The following AVIL variants were observed in gnomAD, a reference collection of about 807,000 sequenced individuals.
AVIL encodes advillin.
A neutral mutation model predicts 109.9 loss-of-function variants in AVIL; 78 were observed. The ratio of observed to expected loss-of-function variants is 0.71; its 90% CI spans 0.59 to 0.86. AVIL has a LOEUF of 0.86. AVIL is among the 40% of genes least tolerant of loss of function. The pLI is 0.00. For synonymous variants in AVIL, 367 were observed against 379.1 expected (o/e 0.97, Z 0.37); for missense variants, 892 against 1,016.5 (o/e 0.88, Z 1.67).
At chr12:57,811,552 A>G (rs987108832) in intron 4 of AVIL, among the ~76,000 whole-genome samples, 2 of 152,150 alleles carry the variant, frequency 1.3e-5, no homozygotes, top group African/African-American at 2.4e-5. Context: ...CCTTAAGACC[A>G]CCTACCCTAG....
In AVIL at chr12:57,801,229, GAA is replaced by G. The variant is rs750567285; in HGVS notation, c.2152-19_2152-18del. 1.2e-6 allele frequency: 2 copies of G among 1,607,626 alleles called. No individual in the cohort carries two copies. The highest frequency in any genetic ancestry group is 3.3e-5 in the Admixed American group (2 of 59,932). On this transcript the variant is annotated intron_variant, in intron 17 of 19. Transcript: ENST00000549994. ...TTTTCCTGCCTGAGAAGAAGAGAGAGAAAACACAGGATGAGGTCTTTCTTATA... is the reference window on the plus strand; with the variant it reads ...TTTTCCTGCCTGAGAAGAAGAGAGAGAACACAGGATGAGGTCTTTCTTATA...
In AVIL at chr12:57,813,399, A is replaced by G; in HGVS notation, c.166T>C (p.Ser56Pro). Reference sequence around the variant, plus strand: ...CCGATCCAGAAGTGGATGTCCTGGGATAGGAGACTGGCCACTCTCCGGGTC... The same window carrying G: ...CCGATCCAGAAGTGGATGTCCTGGGGTAGGAGACTGGCCACTCTCCGGGTC... ...LSTRRVASLL[S>P]QDIHFWIGKD... Residue 56 changes from serine to proline, a missense_variant, in exon 4 of 20, where the codon TCC (serine) becomes CCC (proline). Ser to Pro is a moderately conservative substitution (Grantham distance 74, BLOSUM62 -1). Transcript: ENST00000549994. The G allele has an allele frequency of 3.7e-6, 6 of 1,613,952 alleles. No homozygotes were observed. The highest frequency in any genetic ancestry group is 5.1e-6 in the Non-Finnish European group (6 of 1,179,996).
chr12:57,810,554 G>A lies in AVIL; in HGVS notation c.559-3C>T. ...ATATCCTTTGCCAGAAGCATAGCCT[G>A]TCAAAGAAGCCCAAGGAAGCCCTCA... On this transcript the variant is annotated splice_region_variant and splice_polypyrimidine_tract_variant and intron_variant, in intron 6 of 19. Coordinates refer to ENST00000549994, the MANE Select transcript of AVIL (RefSeq NM_006576.4). 1 of 1,612,950 alleles carries A rather than the reference G, an allele frequency of 6.2e-7. No homozygotes were observed. Among genetic ancestry groups the A allele is most frequent in the South Asian group, 1.1e-5 (1 of 91,038 alleles).
Position 57,802,117 on chromosome 12 carries a change from C to G in AVIL, c.2151+43G>C, listed in dbSNP as rs11172345. 8.7e-4 allele frequency: 1,398 copies of G among 1,602,234 alleles called. 15 individuals are homozygous for G. In the African/African-American group the frequency reaches 0.017, roughly 19 times the overall value. On this transcript the variant is annotated intron_variant, in intron 17 of 19. Coordinates refer to ENST00000549994, the MANE Select transcript of AVIL (RefSeq NM_006576.4). ...TTCCTGCCCACTGAGCTGTTCTGAGCTACCTGGCAGGAAGTTAGAGCTTCC... is the reference window on the plus strand; with the variant it reads ...TTCCTGCCCACTGAGCTGTTCTGAGGTACCTGGCAGGAAGTTAGAGCTTCC...
chr12:57,797,998 A>G lies in AVIL; in HGVS notation c.2347-3T>C, dbSNP rs1322872119. On this transcript the variant is annotated splice_region_variant and splice_polypyrimidine_tract_variant and intron_variant, in intron 19 of 19. Coordinates refer to ENST00000549994, the MANE Select transcript of AVIL (RefSeq NM_006576.4). ...AAGTCCTGTTCAGAGAGGTAATTCT[A>G]AGAGAGAAAACAAAGTTTCTAGTTA... is the stretch of plus-strand genomic sequence containing the variant. 1 of 1,590,460 alleles carries G rather than the reference A, an allele frequency of 6.3e-7. No individual in the cohort carries two copies. Among genetic ancestry groups the G allele is most frequent in the Admixed American group, 1.8e-5 (1 of 54,214 alleles).
rs1161694744 is a variant in AVIL, at chr12:57,807,464, A to C, written c.1358T>G (p.Leu453Arg). ...CACTGCCTGGTATGCTGAGGCTGCC[A>C]GCTCATCCTGTGAGGCGTGGCGGCC... ...WQGRHASQDE[L>R]AASAYQAVEV... Residue 453 changes from leucine (L) to arginine (R), a missense_variant, in exon 13 of 20, where the codon CTG becomes CGG. By Grantham distance (102) the Leu-to-Arg change is moderately radical (BLOSUM62 -2). Transcript: ENST00000549994. The C allele has an allele frequency of 2.5e-6, 4 of 1,614,128 alleles. No individual in the cohort carries two copies. The African/African-American group carries it at 4.0e-5, about 16-fold the overall frequency.
intron 19 of AVIL, among the ~76,000 whole-genome samples, 198 bp from the exon 20 acceptor site, chr12:57,798,193 C>T (rs1955774338): frequency 6.6e-6 from 1 of 152,204 alleles, no homozygotes. Flanking sequence ...CCATTTTGGC[C>T]TGTGGCAGAA....
In AVIL at chr12:57,811,085, C is replaced by A; in HGVS notation, c.381G>T (p.Glu127Asp). The stretch of plus-strand genomic sequence containing the variant: ...GCCGCTTCACGTCGTAGGTATTGGT[C>A]TCCACGTGCTTCATCCCAGAGGCGA... ...GGVASGMKHV[E>D]TNTYDVKRLL... is the part of the protein sequence containing the mutation. Residue 127 changes from glutamate to aspartate, a missense_variant, in exon 5 of 20, where the codon GAG (glutamate) becomes GAT (aspartate). By Grantham distance (45) the Glu-to-Asp change is conservative (BLOSUM62 2). Transcript: ENST00000549994. 6.2e-7 allele frequency: 1 copy of A among 1,614,164 alleles called. No individual in the cohort carries two copies. Among genetic ancestry groups the A allele is most frequent in the Non-Finnish European group, 8.5e-7 (1 of 1,180,026 alleles).
chr12:57,805,125 G>A (rs558898316), intron 14 of AVIL, among the ~76,000 whole-genome samples: 21 of 152,144 alleles, frequency 1.4e-4, no homozygotes, highest in Admixed American at 1.3e-3. Context: ...GCGCAATCTC[G>A]GCTCACTGCA....
Position 57,808,222 on chromosome 12 carries a change from A to G in AVIL, c.1166T>C (p.Met389Thr). 6.2e-7 allele frequency: 1 copy of G among 1,614,184 alleles called. No individual in the cohort carries two copies. Among genetic ancestry groups the G allele is most frequent in the Non-Finnish European group, 8.5e-7 (1 of 1,180,028 alleles). ...TKPEVAAQER[M>T]VDDGNGKVEV... Reference sequence around the variant, plus strand: ...AACTTTTCCGTTGCCATCATCGACCATTCTTTCCTGGGCAGCTACCTCTGG... The same window carrying G: ...AACTTTTCCGTTGCCATCATCGACCGTTCTTTCCTGGGCAGCTACCTCTGG... The change falls in exon 11 of 20, where the codon ATG (methionine) becomes ACG (threonine). Residue 389 changes from methionine to threonine, a missense_variant. Met to Thr is a moderately conservative substitution (Grantham distance 81, BLOSUM62 -1). Transcript: ENST00000549994.
intron 2 of AVIL, chr12:57,815,559 C>T (rs1375447167): frequency 3.2e-6 from 4 of 1,230,770 alleles, no homozygotes; most frequent in Admixed American, 3.1e-5. Context: ...AGCTCCTCAT[C>T]TCTGCAGTGC....
At chr12:57,810,140 C>A (rs1956016040) in intron 7 of AVIL, among the ~76,000 whole-genome samples, 1 of 152,128 alleles carries the variant, frequency 6.6e-6, no homozygotes, top group Admixed American at 6.5e-5. Flanking sequence ...AAGGAAAGGT[C>A]TCCTCAAGAG....
rs780022660 is a variant in AVIL at position 57,803,604 on chromosome 12, C to T, written c.1737G>A (p.Glu579=). The T allele has an allele frequency of 6.2e-7, 1 of 1,614,132 alleles. No homozygotes were observed. Among genetic ancestry groups the T allele is most frequent in the South Asian group, 1.1e-5 (1 of 91,070 alleles). Residue 579 remains glutamate (E), a synonymous_variant, in exon 15 of 20, where the codon GAG becomes GAA. Coordinates refer to ENST00000549994, the MANE Select transcript of AVIL (RefSeq NM_006576.4). The part of the protein sequence containing the change: ...ELASLLCDGS[E]NTVAEGQEPA... The stretch of plus-strand genomic sequence containing the variant: ...GCTCCTGGCCCTCGGCCACAGTGTT[C>T]TCGCTGCCATCACAGAGAAGGCTGG...
rs1955960262 is a variant in AVIL at position 57,807,182 on chromosome 12, T to A, written c.1491+149A>T. The stretch of plus-strand genomic sequence containing the variant: ...CCTAGGCAGTTGGGATTCACTTGAC[T>A]GTCTTAGAGGGATTAACCCCCTTCT... On this transcript the variant is annotated intron_variant, in intron 13 of 19. Transcript: ENST00000549994. The A allele has an allele frequency of 3.4e-6, 4 of 1,160,072 alleles. No individual in the cohort carries two copies. In the Admixed American group the frequency reaches 6.8e-5, roughly 20 times the overall value. The allele number at this position is 1,160,072 out of a possible 1,614,324, so 71.9% of individuals were successfully genotyped here.
rs762736936 is a variant in AVIL, at chr12:57,810,474, C to T, written c.636G>A (p.Lys212=). 1 of 1,614,190 alleles carries T rather than the reference C, an allele frequency of 6.2e-7. No individual in the cohort carries two copies. Among genetic ancestry groups the T allele is most frequent in the Admixed American group, 1.7e-5 (1 of 60,032 alleles). ...TCATCAGCTCTGGGCTGGCTGCCTC[C>T]TTGTCTCCCTCGATCACTCCTATTT... ...RAKIGVIEGD[K]EAASPELMKV... Residue 212 remains lysine (K), a synonymous_variant, in exon 7 of 20, where the codon AAG becomes AAA. Transcript: ENST00000549994.
At chr12:57,813,203 C>A in intron 4 of AVIL, 24 bp downstream of exon 4, 1 of 1,586,484 alleles carries the variant, frequency 6.3e-7, no homozygotes, top group Non-Finnish European at 8.6e-7. Flanking sequence ...TGTTTCTGTC[C>A]TTGCTCTGTG....
chr12:57,813,550 TG>T, intron 3 of AVIL, 127 bp from the exon 4 acceptor site: 1 of 918,908 alleles, frequency 1.1e-6, no homozygotes, highest in Non-Finnish European at 1.6e-6. Flanking sequence ...TCTCCTGCAG[TG>T]GATGTGGGAG....
intron 2 of AVIL, chr12:57,815,549 A>G: frequency 1.6e-6 from 2 of 1,214,334 alleles, no homozygotes; most frequent in Non-Finnish European, 2.1e-6. Flanking sequence ...CGGGCTGAAC[A>G]GCTCCTCATC....
chr12:57,798,620 C>CTT (rs1337769787), intron 19 of AVIL, among the ~76,000 whole-genome samples: 18 of 140,660 alleles, frequency 1.3e-4, no homozygotes, highest in African/African-American at 3.9e-4. Context: ...CTTTTCTTTT[C>CTT]TTTTTTTTTT....
Sources: allele counts gnomAD v4.1 joint callset (sites outside exome capture counted in the v4.1 genomes callset), GRCh38; gene constraint gnomAD v4.1.1; transcripts MANE v1.5; gene names NCBI Gene and HGNC (gene_info 2026-07-23, HGNC 2026-07-21).